The following GRM8 variants were observed in gnomAD, a reference collection of about 807,000 sequenced individuals.
GRM8 encodes the protein glutamate metabotropic receptor 8.
In GRM8, 47 loss-of-function variants were observed where a neutral mutation model predicts 87.2. The ratio of observed to expected loss-of-function variants is 0.54; its 90% CI spans 0.43 to 0.69. GRM8 has a LOEUF of 0.69. GRM8 is among the 30% of genes least tolerant of loss of function. GRM8 has a pLI of 0.00. For missense variants in GRM8, 1,019 were observed against 1,139.2 expected, an observed-to-expected ratio of 0.89 and a Z score of 1.52; for synonymous variants, 396 against 404.5, an observed-to-expected ratio of 0.98 and a Z score of 0.25.
rs543778926 is a variant in GRM8 at position 126,787,511 on chromosome 7, T to C, written c.1157-17446A>G. Among the ~76,000 whole-genome samples the C allele has an allele frequency of 4.5e-4, 68 of 152,296 alleles. 1 individual carries two copies. The highest frequency in any genetic ancestry group is 1.5e-3 in the African/African-American group (62 of 41,580). ...TACTCTATTAATGAAAAGTCTTTCT[T>C]CAAAAGTACAAATCTTCTATTATAA... is the stretch of plus-strand genomic sequence containing the variant. On this transcript the variant is annotated intron_variant, in intron 6 of 10. Coordinates refer to ENST00000339582, the MANE Select transcript of GRM8 (RefSeq NM_000845.3).
chr7:126,546,381 A>G (rs1168706512), intron 8 of GRM8, among the ~76,000 whole-genome samples: 2 of 152,194 alleles, frequency 1.3e-5, no homozygotes, highest in East Asian at 3.8e-4. Flanking sequence ...TGCATGACCA[A>G]TAATAGGTAG....
intron 6 of GRM8, among the ~76,000 whole-genome samples, chr7:126,839,046 A>G (rs757534198): frequency 6.6e-6 from 1 of 152,084 alleles, no homozygotes; most frequent in Non-Finnish European, 1.5e-5. Context: ...CCAATATATT[A>G]TTAAAACTCT....
At chr7:126,469,641 G>C (rs1417281206) in intron 9 of GRM8, among the ~76,000 whole-genome samples, 4 of 152,112 alleles carry the variant, frequency 2.6e-5, no homozygotes, top group Non-Finnish European at 5.9e-5. Context: ...TCGTCCTACT[G>C]CCATGTGAAG....
chr7:126,759,508 T>C (rs192297424), intron 7 of GRM8, among the ~76,000 whole-genome samples: 135 of 152,298 alleles, frequency 8.9e-4, no homozygotes, highest in Non-Finnish European at 1.5e-3. Flanking sequence ...AGTACTTTCC[T>C]ATTTACCTTA....
At chr7:127,065,965 C>T (rs17866034) in intron 3 of GRM8, among the ~76,000 whole-genome samples, 2,005 of 152,252 alleles carry the variant, frequency 0.013, 43 homozygotes, top group African/African-American at 0.045. Flanking sequence ...AAATCATTCA[C>T]GATTCTGAAA....
chr7:127,221,005 T>C (rs1796893825), intron 2 of GRM8, among the ~76,000 whole-genome samples: 1 of 152,068 alleles, frequency 6.6e-6, no homozygotes, highest in Admixed American at 6.6e-5. Context: ...CCTCTTCACT[T>C]CCAAGTCCCC....
At chr7:126,883,168 T>G (rs1800177004) in intron 6 of GRM8, among the ~76,000 whole-genome samples, 1 of 152,210 alleles carries the variant, frequency 6.6e-6, no homozygotes, top group Non-Finnish European at 1.5e-5. Context: ...TAAATAATGA[T>G]GTAACTAATT....
At chr7:126,754,380 C>G (rs1816772749) in intron 7 of GRM8, among the ~76,000 whole-genome samples, 1 of 151,796 alleles carries the variant, frequency 6.6e-6, no homozygotes, top group Non-Finnish European at 1.5e-5. Flanking sequence ...GTCCACAGTA[C>G]TCTGAGCATA....
chr7:127,251,491 A>G (rs1798864284), intron 1 of GRM8, among the ~76,000 whole-genome samples: 1 of 151,952 alleles, frequency 6.6e-6, no homozygotes, highest in African/African-American at 2.4e-5. Flanking sequence ...CATAACAGCG[A>G]CCACTCAGCC....
At position 126,446,249 on chromosome 7, in the gene GRM8, G is replaced by A. The variant is rs139289550; in HGVS notation, c.2554C>T (p.Arg852Cys). 4.3e-5 allele frequency: 69 copies of A among 1,612,696 alleles called. No individual in the cohort carries two copies. The highest frequency in any genetic ancestry group is 1.6e-4 in the Middle Eastern group (1 of 6,070). Reference sequence around the variant, plus strand: ...ACCACAGCCTTGAAGCTCCTCTTGCGTTTTTGAACATTCTGTTCTGGATGA... The same window carrying A: ...ACCACAGCCTTGAAGCTCCTCTTGCATTTTTGAACATTCTGTTCTGGATGA... ...IFHPEQNVQK[R>C]KRSFKAVVTA... Residue 852 changes from arginine (R) to cysteine (C), a missense_variant, in exon 10 of 11, where the codon CGC (arginine) becomes TGC (cysteine). Arg to Cys is a radical substitution (Grantham distance 180). Coordinates refer to ENST00000339582, the MANE Select transcript of GRM8 (RefSeq NM_000845.3).
chr7:127,114,040 A>G (rs1026204562), intron 2 of GRM8, among the ~76,000 whole-genome samples: 3 of 152,182 alleles, frequency 2.0e-5, no homozygotes, highest in African/African-American at 4.8e-5. Flanking sequence ...GAAACAAAAA[A>G]GAAGATGGAT....
chr7:126,971,987 A>G (rs996839456), intron 3 of GRM8, among the ~76,000 whole-genome samples: 2 of 152,296 alleles, frequency 1.3e-5, no homozygotes, highest in African/African-American at 4.8e-5. Context: ...ATCTGCACTA[A>G]TAAGTGTGCA....
chr7:126,983,902 C>G (rs1338510016), intron 3 of GRM8, among the ~76,000 whole-genome samples: 1 of 152,172 alleles, frequency 6.6e-6, no homozygotes, highest in East Asian at 1.9e-4. Context: ...GTCATCAATA[C>G]CAGCTATGAC....
At chr7:126,529,342 A>C (rs1424899228) in intron 9 of GRM8, among the ~76,000 whole-genome samples, 1 of 152,206 alleles carries the variant, frequency 6.6e-6, no homozygotes, top group Non-Finnish European at 1.5e-5. Flanking sequence ...GACTATAAGA[A>C]GAGCTATATG....
At chr7:126,995,017 C>T (rs565235162) in intron 3 of GRM8, among the ~76,000 whole-genome samples, 1 of 152,188 alleles carries the variant, frequency 6.6e-6, no homozygotes, top group Non-Finnish European at 1.5e-5. Context: ...TGAATCATGC[C>T]ATCCCCAGCT....
chr7:126,899,452 A>G (rs1354673843), intron 6 of GRM8, among the ~76,000 whole-genome samples: 1 of 152,100 alleles, frequency 6.6e-6, no homozygotes, highest in Non-Finnish European at 1.5e-5. Context: ...CTCATCTTGG[A>G]TGTCTTTCCC....
chr7:127,127,828 C>A (rs1421975709), intron 2 of GRM8, among the ~76,000 whole-genome samples: 1 of 152,050 alleles, frequency 6.6e-6, no homozygotes, highest in Non-Finnish European at 1.5e-5. Context: ...CTGGTCTCTC[C>A]TTCCACCCCA....
intron 7 of GRM8, among the ~76,000 whole-genome samples, chr7:126,768,302 C>T (rs61755405): frequency 0.1 from 14,660 of 145,656 alleles, 2,517 homozygotes; most frequent in African/African-American, 0.35. Context: ...AAAGTATCGT[C>T]AGCACCTGTC....
chr7:126,788,992 G>T (rs1263858065), intron 6 of GRM8, among the ~76,000 whole-genome samples: 1 of 151,968 alleles, frequency 6.6e-6, no homozygotes, highest in East Asian at 1.9e-4. Flanking sequence ...ATATTATCAA[G>T]GAAGAGAAAG....
Sources: gnomAD v4.1 joint callset for allele counts (sites outside exome capture counted in the v4.1 genomes callset) on GRCh38, gnomAD v4.1.1 for gene constraint, MANE v1.5 for transcripts, NCBI Gene and HGNC (gene_info 2026-07-23, HGNC 2026-07-21) for gene names.